TRDN: variants seen among roughly 807,000 people sequenced by gnomAD.
The protein encoded by TRDN is triadin in skeletal muscle.
A neutral mutation model predicts 149.7 loss-of-function variants in TRDN; 161 were observed. The observed-to-expected ratio is 1.08, with a 90% CI of 0.95 to 1.23. The LOEUF is 1.23. Among genes scored for constraint, TRDN ranks in the 50% most tolerant of loss-of-function variants. The pLI, the probability that TRDN is intolerant of heterozygous loss-of-function variation, is 0.00. For missense variants in TRDN, 896 were observed against 823.5 expected, an observed-to-expected ratio of 1.09 and a Z score of -1.08; for synonymous variants, 294 against 250.5, an observed-to-expected ratio of 1.17 and a Z score of -1.64.
intron 1 of TRDN, among the ~76,000 whole-genome samples, chr6:123,620,224 C>A (rs187802390): frequency 6.6e-6 from 1 of 152,086 alleles, no homozygotes; most frequent in East Asian, 1.9e-4. Context: ...AAAACTTCAA[C>A]GTGTGTCAGA....
intron 33 of TRDN, among the ~76,000 whole-genome samples, chr6:123,261,160 C>T (rs887900763): frequency 2.5e-4 from 38 of 151,598 alleles, no homozygotes; most frequent in South Asian, 1.9e-3. Context: ...AAAAAACATA[C>T]GATATAATTA....
intron 2 of TRDN, among the ~76,000 whole-genome samples, chr6:123,554,274 C>T (rs1051491430): frequency 5.5e-4 from 83 of 152,076 alleles, no homozygotes; most frequent in African/African-American, 2.0e-3. Context: ...TGGTAGTACT[C>T]AATATGAGCT....
intron 1 of TRDN, among the ~76,000 whole-genome samples, chr6:123,606,863 A>C (rs1205963837): frequency 1.3e-5 from 2 of 152,226 alleles, no homozygotes; most frequent in Non-Finnish European, 2.9e-5. Context: ...TAAAATAGAA[A>C]TGCTCATCTT....
At chr6:123,553,557 C>T (rs1023650258) in intron 2 of TRDN, among the ~76,000 whole-genome samples, 1 of 152,070 alleles carries the variant, frequency 6.6e-6, no homozygotes, top group African/African-American at 2.4e-5. Context: ...TGTATTAGTC[C>T]GTTTCCATAC....
chr6:123,520,387 AG>A (rs1301585781), intron 5 of TRDN, among the ~76,000 whole-genome samples: 1 of 152,130 alleles, frequency 6.6e-6, no homozygotes, highest in Non-Finnish European at 1.5e-5. Flanking sequence ...GACCAGGAAA[AG>A]AATGTAGTTA....
At chr6:123,262,142 C>T (rs564547039) in intron 33 of TRDN, among the ~76,000 whole-genome samples, 34 of 151,602 alleles carry the variant, frequency 2.2e-4, no homozygotes, top group South Asian at 8.3e-4. Context: ...AGGAAAGCCC[C>T]GTGATTTTGA....
chr6:123,403,820 A>G (rs906222126), intron 12 of TRDN, among the ~76,000 whole-genome samples: 5 of 152,092 alleles, frequency 3.3e-5, no homozygotes, highest in African/African-American at 4.8e-5. Flanking sequence ...AATCAGAAAT[A>G]AAAAAATACA....
chr6:123,367,526 T>A (rs1026371986), intron 19 of TRDN, among the ~76,000 whole-genome samples: 3 of 151,902 alleles, frequency 2.0e-5, no homozygotes, highest in African/African-American at 7.3e-5. Context: ...GCCCCAAGAG[T>A]CACAATTTAA....
chr6:123,543,712 A>G (rs776926000), intron 4 of TRDN, among the ~76,000 whole-genome samples: 1 of 152,176 alleles, frequency 6.6e-6, no homozygotes, highest in South Asian at 2.1e-4. Context: ...AAATGTTGAC[A>G]TTTAAAAATA....
chr6:123,339,550 G>A (rs181358929), intron 21 of TRDN, among the ~76,000 whole-genome samples: 1 of 152,154 alleles, frequency 6.6e-6, no homozygotes, highest in African/African-American at 2.4e-5. Context: ...ATCATTTACA[G>A]GTGCTGCAAA....
rs1376928395 is a variant in TRDN, at chr6:123,216,914, A to T, written c.*1687T>A. ...CTGTTCTATGAAATCTAAAACATCT[A>T]TCATATTTGCTATTTCTTTACTCAG... On this transcript the variant is annotated 3_prime_UTR_variant, in exon 41 of 41. Coordinates refer to ENST00000334268, the MANE Select transcript of TRDN (RefSeq NM_006073.4). 6.6e-6 allele frequency: 1 copy of T among 152,022 alleles called. No individual in the cohort carries two copies. The highest frequency in any genetic ancestry group is 1.5e-5 in the Non-Finnish European group (1 of 67,968). The allele number at this position is 152,022 out of a possible 1,614,324, so 9.4% of individuals were successfully genotyped here.
At chr6:123,324,399 GA>G (rs1236128443) in intron 23 of TRDN, among the ~76,000 whole-genome samples, 2 of 152,094 alleles carry the variant, frequency 1.3e-5, no homozygotes, top group African/African-American at 4.8e-5. Flanking sequence ...AGGAGCTCTT[GA>G]GCCCAGGAGT....
At chr6:123,541,911 C>T (rs1449007092) in intron 4 of TRDN, among the ~76,000 whole-genome samples, 1 of 152,118 alleles carries the variant, frequency 6.6e-6, no homozygotes, top group Non-Finnish European at 1.5e-5. Context: ...ATCTTACTCC[C>T]GATGACATGA....
chr6:123,628,263 C>A (rs191677645), intron 1 of TRDN, among the ~76,000 whole-genome samples: 46 of 151,736 alleles, frequency 3.0e-4, no homozygotes, highest in Admixed American at 3.0e-3. Flanking sequence ...TTCTTAGAGG[C>A]TGTTGTAGGT....
chr6:123,349,552 A>G (rs2114286143), intron 21 of TRDN: 1 of 891,230 alleles, frequency 1.1e-6, no homozygotes, highest in East Asian at 1.2e-4. Context: ...AGTTATTTTA[A>G]AAATACATAT....
intron 38 of TRDN, among the ~76,000 whole-genome samples, chr6:123,229,800 C>T (rs1015652764): frequency 2.0e-5 from 3 of 151,880 alleles, no homozygotes; most frequent in South Asian, 4.1e-4. Flanking sequence ...AAAGTCCAGC[C>T]TCAGCACCAA....
At chr6:123,577,786 G>A (rs564091680) in intron 1 of TRDN, among the ~76,000 whole-genome samples, 3 of 151,664 alleles carry the variant, frequency 2.0e-5, no homozygotes, top group South Asian at 4.2e-4. Context: ...TTTTCTTTGC[G>A]GCCTCACATC....
intron 20 of TRDN, 123 bp from the exon 21 acceptor site, chr6:123,352,709 T>C: frequency 7.7e-7 from 1 of 1,304,490 alleles, no homozygotes; most frequent in Non-Finnish European, 1.0e-6. Flanking sequence ...TTTTGAAGCT[T>C]CTTAAACATT....
intron 1 of TRDN, among the ~76,000 whole-genome samples, chr6:123,585,280 G>A (rs1783402991): frequency 6.6e-6 from 1 of 151,928 alleles, no homozygotes; most frequent in Non-Finnish European, 1.5e-5. Flanking sequence ...AGGGAACTGG[G>A]CAGGTGGGGA....
Sources: allele counts gnomAD v4.1 joint callset (sites outside exome capture counted in the v4.1 genomes callset), GRCh38; gene constraint gnomAD v4.1.1; transcripts MANE v1.5; gene names NCBI Gene and HGNC (gene_info 2026-07-23, HGNC 2026-07-21).